Variants in CBX3 observed in about 807,000 individuals in gnomAD.
The protein encoded by CBX3 is chromobox 3, also known as chromobox protein homolog 3.
In CBX3, 5 loss-of-function variants were observed where a neutral mutation model predicts 22.6. The ratio of observed to expected loss-of-function variants is 0.22; its 90% CI spans 0.12 to 0.47. CBX3 has a LOEUF of 0.47. CBX3 is among the 20% of genes least tolerant of loss of function. CBX3 has a pLI of 0.99. For missense variants in CBX3, 83 were observed against 208.1 expected (o/e 0.40, Z 3.70); for synonymous variants, 50 against 66.6 (o/e 0.75, Z 1.21).
chr7:26,202,138 C>T (rs1046647413), intron 1 of CBX3: 16 of 152,114 alleles, frequency 1.1e-4, no homozygotes, highest in Admixed American at 2.0e-4. Flanking sequence ...GAGGCGCCCC[C>T]TCCCCCAGCC....
At chr7:26,211,987 A>G (rs1345425671) in intron 5 of CBX3, 95 bp from the exon 6 acceptor site, 2 of 1,165,080 alleles carry the variant, frequency 1.7e-6, no homozygotes, top group East Asian at 2.7e-5. Context: ...GCACTTCAAT[A>G]CCTTTTGTTT....
Position 26,207,479 on chromosome 7 carries a change from C to T in CBX3, c.168-914C>T, listed in dbSNP as rs545666453. 8.5e-5 allele frequency among the ~76,000 whole-genome samples: 13 copies of T among 152,276 alleles called. No individual in the cohort carries two copies. The South Asian group carries it at 1.2e-3, about 15-fold the overall frequency. On this transcript the variant is annotated intron_variant, in intron 3 of 5. Transcript: ENST00000396386. ...CTTAAGGCCACTAGCATGATTATAGCGTACTTCCCATGTGCAGTGTAACAG... is the reference window on the plus strand; with the variant it reads ...CTTAAGGCCACTAGCATGATTATAGTGTACTTCCCATGTGCAGTGTAACAG...
intron 2 of CBX3, among the ~76,000 whole-genome samples, chr7:26,204,079 T>C (rs1175058803): frequency 6.6e-6 from 1 of 152,240 alleles, no homozygotes; most frequent in Non-Finnish European, 1.5e-5. Flanking sequence ...TTAATTTCAC[T>C]TAAATAATGG....
intron 5 of CBX3, 50 bp from the exon 6 acceptor site, chr7:26,212,032 G>C: frequency 6.9e-7 from 1 of 1,450,540 alleles, no homozygotes; most frequent in Non-Finnish European, 9.1e-7. Context: ...GCTGTCGGTT[G>C]ACATGAACAA....
chr7:26,211,834 T>A, intron 5 of CBX3, 78 bp downstream of exon 5: 2 of 1,116,360 alleles, frequency 1.8e-6, no homozygotes, highest in Non-Finnish European at 2.6e-6. Context: ...TTTTCATCAT[T>A]AGGTAGGGAA....
At chr7:26,207,161 T>G (rs1278417680) in intron 3 of CBX3, among the ~76,000 whole-genome samples, 2 of 152,102 alleles carry the variant, frequency 1.3e-5, no homozygotes, top group African/African-American at 4.8e-5. Context: ...AATGGATAGG[T>G]GGAGATCAAT....
Position 26,213,551 on chromosome 7 carries a change from A to G in CBX3, c.*1343A>G, listed in dbSNP as rs1222637013. On this transcript the variant is annotated 3_prime_UTR_variant, in exon 6 of 6. Coordinates refer to ENST00000396386, the MANE Select transcript of CBX3 (RefSeq NM_016587.4). The stretch of plus-strand genomic sequence containing the variant: ...GAATGTTTCCACAGTTGGGAAATAA[A>G]AGTTTCATGTGATGCCTAGGGTCAA... Among the ~76,000 whole-genome samples the G allele has an allele frequency of 6.6e-6, 1 of 152,200 alleles. No individual in the cohort carries two copies. The highest frequency in any genetic ancestry group is 2.4e-5 in the African/African-American group (1 of 41,440).
chr7:26,210,739 AG>A (rs1160511029), intron 4 of CBX3, among the ~76,000 whole-genome samples: 11 of 152,238 alleles, frequency 7.2e-5, no homozygotes. Context: ...AAAAAAGCTG[AG>A]AAGAGTAGCA....
At chr7:26,203,244 A>T (rs1157205535) in intron 2 of CBX3, among the ~76,000 whole-genome samples, 1 of 152,238 alleles carries the variant, frequency 6.6e-6, no homozygotes, top group Admixed American at 6.5e-5. Context: ...CTAATCTTTG[A>T]AGGACAGTGC....
At chr7:26,204,864 A>G (rs1173537947) in intron 2 of CBX3, among the ~76,000 whole-genome samples, 1 of 152,132 alleles carries the variant, frequency 6.6e-6, no homozygotes, top group Non-Finnish European at 1.5e-5. Context: ...ATCTTGGCTC[A>G]CCGCAACTTA....
At chr7:26,211,584 A>G in intron 4 of CBX3, 78 bp from the exon 5 acceptor site, 3 of 846,720 alleles carry the variant, frequency 3.5e-6, no homozygotes, top group Non-Finnish European at 3.8e-6. Flanking sequence ...TCACTATTGG[A>G]ATGTTTTTAT....
chr7:26,211,978 C>G (rs1784810129), intron 5 of CBX3, 104 bp from the exon 6 acceptor site: 2 of 1,016,420 alleles, frequency 2.0e-6, no homozygotes, highest in Non-Finnish European at 2.8e-6. Context: ...TCTCCTGGAG[C>G]ACTTCAATAC....
chr7:26,208,097 C>A (rs914688231), intron 3 of CBX3: 4 of 203,032 alleles, frequency 2.0e-5, no homozygotes, highest in Non-Finnish European at 3.0e-5. Context: ...CATGGTGGTG[C>A]ATGCCTGTAG....
chr7:26,212,258 G>A lies in CBX3; in HGVS notation c.*50G>A. The A allele has an allele frequency of 1.8e-6, 2 of 1,082,724 alleles. No homozygotes were observed. Among genetic ancestry groups the A allele is most frequent in the Non-Finnish European group, 2.3e-6 (2 of 856,500 alleles). The allele number at this position is 1,082,724 out of a possible 1,614,324, so 67.1% of individuals were successfully genotyped here. On this transcript the variant is annotated 3_prime_UTR_variant, in exon 6 of 6. Coordinates refer to ENST00000396386, the MANE Select transcript of CBX3 (RefSeq NM_016587.4). ...TATTTATATATATATATAAAAATTG[G>A]GTCTTAGATTTTGATTTACTAGTGT...
intron 3 of CBX3, among the ~76,000 whole-genome samples, chr7:26,207,529 T>C (rs1410852145): frequency 6.6e-6 from 1 of 152,132 alleles, no homozygotes; most frequent in Non-Finnish European, 1.5e-5. Flanking sequence ...TTTTTTTTGT[T>C]TTGTTTTGAG....
intron 1 of CBX3, 98 bp downstream of exon 1, chr7:26,201,924 C>T (rs182290639): frequency 6.6e-6 from 1 of 152,122 alleles, no homozygotes; most frequent in East Asian, 1.9e-4. Context: ...CTCCCCTCCC[C>T]TTCTCGCCGG....
chr7:26,212,838 CA>C lies in CBX3; in HGVS notation c.*631del, dbSNP rs1257390657. On this transcript the variant is annotated 3_prime_UTR_variant, in exon 6 of 6. Transcript: ENST00000396386. ...GATAATTTTAAAGTGTCTATAATTG[CA>C]GTGGTTTATTTGCAAAATTCCTAAA... The C allele has an allele frequency of 1.3e-5, 2 of 152,374 alleles. No individual in the cohort carries two copies. Among genetic ancestry groups the C allele is most frequent in the African/African-American group, 4.8e-5 (2 of 41,588 alleles). 9.4% of individuals were successfully genotyped at this position (152,374 alleles called of 1,614,324 possible).
intron 3 of CBX3, among the ~76,000 whole-genome samples, chr7:26,206,783 T>A (rs943921899): frequency 6.6e-6 from 1 of 152,222 alleles, no homozygotes; most frequent in Non-Finnish European, 1.5e-5. Context: ...TATATTTTAA[T>A]GTGGTTAGAT....
At chr7:26,206,118 CTG>C (rs1229738110) in intron 2 of CBX3, 27 of 362,062 alleles carry the variant, frequency 7.5e-5, no homozygotes, top group Non-Finnish European at 1.1e-4. Context: ...AAAAAAATAA[CTG>C]TTTCCAGATA....
Sources: allele counts gnomAD v4.1 joint callset (sites outside exome capture counted in the v4.1 genomes callset), GRCh38; gene constraint gnomAD v4.1.1; transcripts MANE v1.5; gene names NCBI Gene and HGNC (gene_info 2026-07-23, HGNC 2026-07-21).